PITPNM2: variants seen among roughly 807,000 people sequenced by gnomAD.
PITPNM2 encodes membrane-associated phosphatidylinositol transfer protein 2.
In PITPNM2, 35 loss-of-function variants were observed where a neutral mutation model predicts 132.2. The observed-to-expected ratio is 0.26, with a 90% CI of 0.20 to 0.35. The LOEUF (loss-of-function observed/expected upper bound fraction) is 0.35, where lower values mean the gene tolerates loss of function less well. PITPNM2 is among the 10% of genes least tolerant of loss of function. The probability of loss-of-function intolerance (pLI) is 1.00; values close to 1 mark genes in which losing one functional copy is unlikely to be tolerated. For missense variants in PITPNM2, 1,332 were observed against 1,912.0 expected, an observed-to-expected ratio of 0.70 and a Z score of 5.66; for synonymous variants, 738 against 799.2, an observed-to-expected ratio of 0.92 and a Z score of 1.29.
intron 2 of PITPNM2, among the ~76,000 whole-genome samples, chr12:123,070,739 C>G (rs1314739553): frequency 6.6e-6 from 1 of 152,214 alleles, no homozygotes; most frequent in East Asian, 1.9e-4. Flanking sequence ...TTAGGCCTGC[C>G]CCCCATGCCT....
intron 1 of PITPNM2, among the ~76,000 whole-genome samples, chr12:123,130,609 T>A (rs1230499960): frequency 6.6e-6 from 1 of 152,056 alleles, no homozygotes; most frequent in African/African-American, 2.4e-5. Flanking sequence ...TGAAACCCCA[T>A]CTCTACTAAA....
intron 2 of PITPNM2, chr12:123,087,486 C>T (rs1390058893): frequency 6.6e-6 from 1 of 152,152 alleles, no homozygotes; most frequent in Non-Finnish European, 1.5e-5. Context: ...ATCTACCCAC[C>T]TTGGCCTCCC....
chr12:122,987,769 C>T lies in PITPNM2; in HGVS notation c.3114+16G>A. On this transcript the variant is annotated intron_variant, in intron 21 of 25. Coordinates refer to ENST00000320201, the MANE Select transcript of PITPNM2 (RefSeq NM_020845.3). ...CCAAAGTCCCTCCATGTTACCCCTA[C>T]CCGCCGTGTCCTTACCTTCTCCCCA... is the stretch of plus-strand genomic sequence containing the variant. The T allele has an allele frequency of 6.2e-7, 1 of 1,613,774 alleles. No individual in the cohort carries two copies. The highest frequency in any genetic ancestry group is 8.5e-7 in the Non-Finnish European group (1 of 1,179,920).
At chr12:123,079,378 T>TG (rs1473955506) in intron 2 of PITPNM2, among the ~76,000 whole-genome samples, 1 of 132,932 alleles carries the variant, frequency 7.5e-6, no homozygotes, top group African/African-American at 3.2e-5. Context: ...TTTTTTTTTT[T>TG]TTGAGACAGA....
intron 5 of PITPNM2, among the ~76,000 whole-genome samples, chr12:123,011,170 CT>C: frequency 6.6e-6 from 1 of 152,226 alleles, no homozygotes; most frequent in Non-Finnish European, 1.5e-5. Flanking sequence ...TCACAGAACC[CT>C]TTTTTGCGGT....
Position 122,994,750 on chromosome 12 carries a change from C to A in PITPNM2, c.2233+51G>T. 1 of 1,552,752 alleles carries A rather than the reference C, an allele frequency of 6.4e-7. No homozygotes were observed. Among genetic ancestry groups the A allele is most frequent in the Non-Finnish European group, 8.7e-7 (1 of 1,151,586 alleles). On this transcript the variant is annotated intron_variant, in intron 15 of 25. Coordinates refer to ENST00000320201, the MANE Select transcript of PITPNM2 (RefSeq NM_020845.3). This position sits in a 1 kb window ranked among gnomAD's most constrained non-coding sequence, Gnocchi z 5.4. The stretch of plus-strand genomic sequence containing the variant: ...TCACAGGGGTCCACTGAGACCCCCG[C>A]CCCCGCACCCAGTGCATGTACCCCC...
intron 2 of PITPNM2, among the ~76,000 whole-genome samples, chr12:123,085,237 C>A (rs918573765): frequency 1.3e-5 from 2 of 152,210 alleles, no homozygotes; most frequent in Non-Finnish European, 2.9e-5. Context: ...GCGCCATCTG[C>A]GTGACCCAGA....
chr12:123,059,789 C>A (rs1189184144), intron 2 of PITPNM2, among the ~76,000 whole-genome samples: 1 of 152,088 alleles, frequency 6.6e-6, no homozygotes, highest in African/African-American at 2.4e-5. Flanking sequence ...AGGATGCAGA[C>A]AGATGGTGGC....
chr12:123,124,456 T>C (rs896142602), intron 1 of PITPNM2, among the ~76,000 whole-genome samples: 3 of 151,778 alleles, frequency 2.0e-5, no homozygotes, highest in African/African-American at 7.3e-5. Context: ...AAAAGTAATA[T>C]ACATTAATAT....
rs1566244579 is a variant in PITPNM2 at position 123,008,704 on chromosome 12, C to T, written c.643+1146G>A. ...CACCTCTCCCAGCTGCTGATTGACA[C>T]CGCAGCAGCCCTTCTGGAAAAAGAA... is the stretch of plus-strand genomic sequence containing the variant. On this transcript the variant is annotated intron_variant, in intron 6 of 25. Transcript: ENST00000320201. This position sits in a 1 kb window ranked among gnomAD's most constrained non-coding sequence, Gnocchi z 4.1. 6.6e-6 allele frequency among the ~76,000 whole-genome samples: 1 copy of T among 152,208 alleles called. No individual in the cohort carries two copies. Among genetic ancestry groups the T allele is most frequent in the Non-Finnish European group, 1.5e-5 (1 of 68,034 alleles).
intron 1 of PITPNM2, among the ~76,000 whole-genome samples, chr12:123,115,234 C>T (rs1040833832): frequency 6.6e-6 from 1 of 152,218 alleles, no homozygotes; most frequent in Non-Finnish European, 1.5e-5. Context: ...CTCCCCCTCC[C>T]TTCCATCTTC....
intron 2 of PITPNM2, among the ~76,000 whole-genome samples, chr12:123,041,547 T>G (rs2040474121): frequency 6.6e-6 from 1 of 152,186 alleles, no homozygotes; most frequent in Admixed American, 6.5e-5. Flanking sequence ...TGCCTCTCCC[T>G]GGAGCCCCCT....
At chr12:123,013,290 C>A (rs993783733) in intron 4 of PITPNM2, among the ~76,000 whole-genome samples, 1 of 152,214 alleles carries the variant, frequency 6.6e-6, no homozygotes, top group Admixed American at 6.5e-5. Context: ...CTTGTGGGAC[C>A]AGCTCCCATC....
intron 2 of PITPNM2, among the ~76,000 whole-genome samples, chr12:123,044,832 G>C (rs2040601820): frequency 1.3e-5 from 2 of 152,124 alleles, no homozygotes; most frequent in Non-Finnish European, 2.9e-5. Flanking sequence ...ACCCAGGCTA[G>C]ATAGAACACA....
chr12:122,988,396 G>T, intron 19 of PITPNM2, 46 bp from the exon 20 acceptor site: 1 of 1,544,666 alleles, frequency 6.5e-7, no homozygotes, highest in South Asian at 1.1e-5. Flanking sequence ...TGCCACCCGG[G>T]GGCTTCCTGC....
chr12:123,039,657 A>C (rs2040392006), intron 2 of PITPNM2, among the ~76,000 whole-genome samples: 1 of 152,204 alleles, frequency 6.6e-6, no homozygotes, highest in East Asian at 1.9e-4. Context: ...GTCCAAACCC[A>C]CAGAAAGTAC....
At chr12:123,066,868 C>A (rs564922861) in intron 2 of PITPNM2, among the ~76,000 whole-genome samples, 1 of 152,230 alleles carries the variant, frequency 6.6e-6, no homozygotes, top group African/African-American at 2.4e-5. Flanking sequence ...ATGACAGGGC[C>A]TGAGGCTGCT....
chr12:123,069,109 C>A (rs1463699780), intron 2 of PITPNM2, among the ~76,000 whole-genome samples: 1 of 151,850 alleles, frequency 6.6e-6, no homozygotes, highest in Non-Finnish European at 1.5e-5. Flanking sequence ...AAAAATTAGC[C>A]AGAAGTGGTG....
chr12:123,043,499 C>T (rs867898491), intron 2 of PITPNM2, among the ~76,000 whole-genome samples: 4 of 152,252 alleles, frequency 2.6e-5, no homozygotes, highest in Admixed American at 6.5e-5. Flanking sequence ...CTGGGCACTG[C>T]GGCAGTTACC....
Sources: allele counts gnomAD v4.1 joint callset (sites outside exome capture counted in the v4.1 genomes callset), GRCh38; gene constraint gnomAD v4.1.1; non-coding constraint Gnocchi (gnomAD v3.1); transcripts MANE v1.5; gene names NCBI Gene and HGNC (gene_info 2026-07-23, HGNC 2026-07-21).